KAZN: variants seen among roughly 807,000 people sequenced by gnomAD.
KAZN encodes kazrin.
A neutral mutation model predicts 87.4 loss-of-function variants in KAZN; 40 were observed. The observed-to-expected ratio is 0.46, with a 90% CI of 0.36 to 0.60. The LOEUF is 0.60. Ranked by LOEUF, KAZN falls within the 20% of genes least tolerant of loss-of-function variation. KAZN has a pLI of 0.00. For missense variants in KAZN, 898 were observed against 1,073.9 expected (o/e 0.84, Z 2.29); for synonymous variants, 466 against 458.3 (o/e 1.02, Z -0.22).
At chr1:14,305,802 G>A (rs748396246) in intron 2 of KAZN, among the ~76,000 whole-genome samples, 2 of 152,094 alleles carry the variant, frequency 1.3e-5, no homozygotes, top group Admixed American at 6.5e-5. Context: ...TAAGAGGCAA[G>A]GCATTTAATC....
intron 2 of KAZN, among the ~76,000 whole-genome samples, chr1:14,520,162 G>A (rs562366291): frequency 2.6e-5 from 4 of 152,262 alleles, no homozygotes; most frequent in African/African-American, 9.6e-5. Flanking sequence ...AAGGCCCAGT[G>A]GTGTCCAGTC....
At chr1:14,097,087 G>A (rs1254161787) in intron 1 of KAZN, among the ~76,000 whole-genome samples, 1 of 152,192 alleles carries the variant, frequency 6.6e-6, no homozygotes, top group African/African-American at 2.4e-5. Flanking sequence ...AGGTGTAGGG[G>A]AAGAGAGATC....
intron 1 of KAZN, among the ~76,000 whole-genome samples, chr1:14,110,300 AT>A (rs75358922): frequency 0.29 from 43,900 of 152,054 alleles, 6,759 homozygotes; most frequent in East Asian, 0.55. Context: ...TTAGGAACTC[AT>A]TTTTGGAGGC....
intron 1 of KAZN, among the ~76,000 whole-genome samples, chr1:14,913,221 G>A (rs960005172): frequency 6.6e-6 from 1 of 152,124 alleles, no homozygotes; most frequent in Non-Finnish European, 1.5e-5. Flanking sequence ...GCGGCTCTTG[G>A]GGTTGTACTT....
In KAZN at chr1:14,412,165, G is replaced by A. The variant is rs376101967; in HGVS notation, c.250-186818G>A. Among the ~76,000 whole-genome samples, 8 of 152,310 alleles carry A rather than the reference G, an allele frequency of 5.3e-5. 1 individual carries two copies. Among genetic ancestry groups the A allele is most frequent in the Admixed American group, 3.3e-4 (5 of 15,284 alleles). On this transcript the variant is annotated intron_variant, in intron 2 of 16. Coordinates refer to the KAZN transcript ENST00000636203. ...GTGACAAACAGCAAGTGCAAATTAAGATGGGCAAAATAAACCTCAATGCAT... is the reference window on the plus strand; with the variant it reads ...GTGACAAACAGCAAGTGCAAATTAAAATGGGCAAAATAAACCTCAATGCAT...
intron 2 of KAZN, among the ~76,000 whole-genome samples, chr1:14,256,469 G>A (rs1005002045): frequency 6.6e-6 from 1 of 152,092 alleles, no homozygotes; most frequent in Non-Finnish European, 1.5e-5. Flanking sequence ...GGAGTAGGAA[G>A]GAGAAAGGGA....
intron 1 of KAZN, among the ~76,000 whole-genome samples, chr1:14,958,052 C>A (rs57468321): frequency 0.01 from 1,599 of 152,288 alleles, 28 homozygotes; most frequent in African/African-American, 0.036. Flanking sequence ...CCCAAGGCCG[C>A]TGGTGGGAGA....
chr1:14,553,861 G>T (rs1673698730), intron 2 of KAZN, among the ~76,000 whole-genome samples: 1 of 152,180 alleles, frequency 6.6e-6, no homozygotes, highest in Non-Finnish European at 1.5e-5. Context: ...GGGCCTCACT[G>T]CTGGAAGATT....
intron 2 of KAZN, among the ~76,000 whole-genome samples, chr1:14,977,120 G>A (rs1029922365): frequency 6.6e-6 from 1 of 152,182 alleles, no homozygotes. Flanking sequence ...GACTGAAAAG[G>A]CCATGGAGTC....
At chr1:14,691,616 A>G (rs1035476971) in intron 1 of KAZN, among the ~76,000 whole-genome samples, 2 of 152,096 alleles carry the variant, frequency 1.3e-5, no homozygotes, top group Non-Finnish European at 2.9e-5. Flanking sequence ...CCTCCCGAGT[A>G]GCTGGGATCA....
chr1:14,025,020 T>A lies in KAZN; in HGVS notation c.91+131264T>A, dbSNP rs142697394. 8.5e-5 allele frequency among the ~76,000 whole-genome samples: 13 copies of A among 152,230 alleles called. 1 individual carries two copies. The highest frequency in any genetic ancestry group is 3.9e-4 in the Admixed American group (6 of 15,284). Reference sequence around the variant, plus strand: ...GAAAATTAGGTCAGATCAAAGCACATCTTTTTTGTCTCAGGGTTAAAAGCA... The same window carrying A: ...GAAAATTAGGTCAGATCAAAGCACAACTTTTTTGTCTCAGGGTTAAAAGCA... On this transcript the variant is annotated intron_variant, in intron 1 of 16. Transcript: ENST00000636203.
At chr1:14,997,389 C>T (rs1375666513) in intron 2 of KAZN, among the ~76,000 whole-genome samples, 3 of 151,858 alleles carry the variant, frequency 2.0e-5, no homozygotes, top group Admixed American at 6.6e-5. Context: ...TACAGGCATG[C>T]GTCACCACAC....
intron 1 of KAZN, among the ~76,000 whole-genome samples, chr1:14,085,727 A>G (rs896546913): frequency 1.3e-5 from 2 of 152,118 alleles, no homozygotes; most frequent in Non-Finnish European, 2.9e-5. Context: ...TTCACATACA[A>G]GTCTTTCTAG....
intron 1 of KAZN, among the ~76,000 whole-genome samples, chr1:13,957,151 G>A (rs918942949): frequency 2.6e-5 from 4 of 152,230 alleles, no homozygotes; most frequent in African/African-American, 9.6e-5. Flanking sequence ...GAATCAGGGA[G>A]TAAGAGACTC....
chr1:14,777,023 C>T (rs1047065865), intron 1 of KAZN, among the ~76,000 whole-genome samples: 1 of 151,684 alleles, frequency 6.6e-6, no homozygotes, highest in Admixed American at 6.6e-5. Context: ...TGTTTTGAGA[C>T]GGAGTCTCGC....
chr1:14,524,647 C>A (rs540768911), intron 2 of KAZN, among the ~76,000 whole-genome samples: 12 of 152,288 alleles, frequency 7.9e-5, no homozygotes, highest in Non-Finnish European at 1.6e-4. Flanking sequence ...GCATGTCAGT[C>A]TGCCACGACT....
chr1:14,377,173 C>T (rs1660978996), intron 2 of KAZN, among the ~76,000 whole-genome samples: 1 of 152,162 alleles, frequency 6.6e-6, no homozygotes, highest in Non-Finnish European at 1.5e-5. Flanking sequence ...TGGCTAGCTG[C>T]TCAGTATAAT....
chr1:14,279,291 G>A (rs900358884), intron 2 of KAZN, among the ~76,000 whole-genome samples: 34 of 152,266 alleles, frequency 2.2e-4, no homozygotes, highest in African/African-American at 7.9e-4. Flanking sequence ...TAGGGGTGGA[G>A]AGAGGCTGGG....
intron 2 of KAZN, among the ~76,000 whole-genome samples, chr1:14,345,492 A>C (rs1048047398): frequency 3.4e-4 from 52 of 152,350 alleles, no homozygotes; most frequent in Middle Eastern, 3.4e-3. Context: ...ACAGTATGAT[A>C]AAAATATAAT....
Sources: allele counts gnomAD v4.1 joint callset (sites outside exome capture counted in the v4.1 genomes callset), GRCh38; gene constraint gnomAD v4.1.1; transcripts MANE v1.5; gene names NCBI Gene and HGNC (gene_info 2026-07-23, HGNC 2026-07-21).